Variants in ADGRV1 observed in about 807,000 individuals in gnomAD.
The protein encoded by ADGRV1 is G-protein coupled receptor 98.
A neutral mutation model predicts 596.2 loss-of-function variants in ADGRV1; 359 were observed. The observed-to-expected ratio is 0.60, with a 90% CI of 0.55 to 0.66. The LOEUF is 0.66. ADGRV1 is among the 30% of genes least tolerant of loss of function. The pLI is 0.00. For missense variants in ADGRV1, 7,274 were observed against 7,575.6 expected (o/e 0.96, Z 1.48); for synonymous variants, 2,681 against 2,679.2 (o/e 1.00, Z -0.02).
intron 21 of ADGRV1, among the ~76,000 whole-genome samples, chr5:90,662,588 G>GA (rs1416317296): frequency 6.7e-6 from 1 of 148,776 alleles, no homozygotes; most frequent in African/African-American, 2.5e-5. Context: ...AATCCTGGTA[G>GA]TTTTTTTTTT....
At chr5:90,664,089 G>A (rs980233294) in intron 21 of ADGRV1, among the ~76,000 whole-genome samples, 6 of 145,050 alleles carry the variant, frequency 4.1e-5, no homozygotes, top group East Asian at 2.1e-4. Flanking sequence ...TTGCCTTGGC[G>A]ATGCGGGCTC....
intron 78 of ADGRV1, among the ~76,000 whole-genome samples, chr5:90,845,064 T>C (rs1053512446): frequency 6.6e-6 from 1 of 152,124 alleles, no homozygotes; most frequent in South Asian, 2.1e-4. Flanking sequence ...ATGCTCGAGG[T>C]AATTTTGACT....
intron 21 of ADGRV1, among the ~76,000 whole-genome samples, chr5:90,662,339 G>A (rs145335577): frequency 0.075 from 11,332 of 151,524 alleles, 461 homozygotes; most frequent in South Asian, 0.13. Flanking sequence ...GACTACAGGC[G>A]CCCACCACCA....
chr5:90,693,488 T>C (rs542678563), intron 32 of ADGRV1, among the ~76,000 whole-genome samples: 1 of 152,262 alleles, frequency 6.6e-6, no homozygotes, highest in East Asian at 1.9e-4. Flanking sequence ...TCTGCGGTCT[T>C]GAATCCACAG....
chr5:90,578,649 C>A (rs957252225), intron 1 of ADGRV1, among the ~76,000 whole-genome samples: 2 of 152,192 alleles, frequency 1.3e-5, no homozygotes, highest in Non-Finnish European at 2.9e-5. Context: ...GGAGAATTCC[C>A]TCTTTTTCTG....
chr5:90,977,633 A>T (rs1407192914), intron 84 of ADGRV1, among the ~76,000 whole-genome samples: 1 of 152,204 alleles, frequency 6.6e-6, no homozygotes, highest in East Asian at 1.9e-4. Context: ...TGACAATCAA[A>T]ACACTTAACA....
chr5:90,751,344 G>A (rs2203823), intron 53 of ADGRV1, among the ~76,000 whole-genome samples: 107,841 of 151,950 alleles, frequency 0.71, 38,687 homozygotes, highest in African/African-American at 0.79. Context: ...GCAGTCCTTG[G>A]CTTTAGGCCA....
rs757147288 is a variant in ADGRV1, at chr5:90,757,169, A to C, written c.11940+8A>C. 1.2e-6 allele frequency: 2 copies of C among 1,612,336 alleles called. No individual in the cohort carries two copies. The highest frequency in any genetic ancestry group is 3.3e-5 in the Admixed American group (2 of 60,014). On this transcript the variant is annotated splice_region_variant and intron_variant, in intron 57 of 89. Transcript: ENST00000405460. The stretch of plus-strand genomic sequence containing the variant: ...GAATTTGCAGATAAACAGGTATGCC[A>C]GTCATTAACATATTAGCCTTTTTGA...
At chr5:90,816,620 T>A (rs572119415) in intron 75 of ADGRV1, among the ~76,000 whole-genome samples, 110 of 147,240 alleles carry the variant, frequency 7.5e-4, no homozygotes, top group African/African-American at 2.7e-3. Context: ...GTCCATGTGT[T>A]CTCATTGTTC....
At chr5:90,791,656 C>G (rs1046006208) in intron 70 of ADGRV1, 5 of 261,744 alleles carry the variant, frequency 1.9e-5, no homozygotes, top group Non-Finnish European at 2.9e-5. Context: ...TGTGTATGCA[C>G]ACGCACACAC....
intron 11 of ADGRV1, among the ~76,000 whole-genome samples, chr5:90,638,221 A>C (rs1766491633): frequency 6.6e-6 from 1 of 151,988 alleles, no homozygotes; most frequent in African/African-American, 2.4e-5. Flanking sequence ...TAAATATGAA[A>C]CATAGCTAAT....
intron 50 of ADGRV1, among the ~76,000 whole-genome samples, chr5:90,739,954 A>G (rs903248087): frequency 2.0e-5 from 3 of 152,048 alleles, no homozygotes; most frequent in Non-Finnish European, 4.4e-5. Context: ...ACACATGCAC[A>G]TGACTCCTTG....
chr5:90,919,994 CAAAAA>C (rs59122926), intron 83 of ADGRV1, among the ~76,000 whole-genome samples: 3 of 80,082 alleles, frequency 3.7e-5, no homozygotes, highest in Non-Finnish European at 4.9e-5. Context: ...AACTCCATCT[CAAAAA>C]AAAAAAAAAA....
chr5:90,627,822 A>G (rs764504860), intron 7 of ADGRV1, 46 bp downstream of exon 7: 10 of 1,220,718 alleles, frequency 8.2e-6, no homozygotes, highest in Non-Finnish European at 1.1e-5. Context: ...TTATTATATT[A>G]TTCCAGATTT....
intron 79 of ADGRV1, among the ~76,000 whole-genome samples, chr5:90,851,861 T>A (rs1471310442): frequency 6.6e-6 from 1 of 152,120 alleles, no homozygotes; most frequent in African/African-American, 2.4e-5. Flanking sequence ...TTTGACAAGA[T>A]AACAGAGTCC....
intron 42 of ADGRV1, among the ~76,000 whole-genome samples, chr5:90,713,340 CTT>C (rs540515777): frequency 9.2e-4 from 125 of 135,680 alleles, no homozygotes; most frequent in African/African-American, 2.4e-3. Context: ...CCCCAGAAGC[CTT>C]TTTTTTTTTT....
intron 85 of ADGRV1, among the ~76,000 whole-genome samples, chr5:91,036,234 C>T (rs2151254111): frequency 6.6e-6 from 1 of 151,994 alleles, no homozygotes; most frequent in African/African-American, 2.4e-5. Context: ...TATGGTGGTT[C>T]ACACCTGTAA....
At chr5:90,681,494 T>A in intron 27 of ADGRV1, 40 bp downstream of exon 27, 1 of 1,580,348 alleles carries the variant, frequency 6.3e-7, no homozygotes, top group Non-Finnish European at 8.6e-7. Context: ...ACACTTTCTG[T>A]TGTTTTAAAA....
chr5:90,704,556 T>C (rs1351720139), intron 36 of ADGRV1, 68 bp downstream of exon 36: 5 of 954,562 alleles, frequency 5.2e-6, no homozygotes, highest in Middle Eastern at 2.9e-4. Context: ...AATTGTTATC[T>C]CTGTATTTAA....
Sources: allele counts gnomAD v4.1 joint callset (sites outside exome capture counted in the v4.1 genomes callset), GRCh38; gene constraint gnomAD v4.1.1; transcripts MANE v1.5; gene names NCBI Gene and HGNC (gene_info 2026-07-23, HGNC 2026-07-21).